JAKMIP3: variants seen among roughly 807,000 people sequenced by gnomAD.
The protein encoded by JAKMIP3 is janus kinase and microtubule-interacting protein 3.
In JAKMIP3, 58 loss-of-function variants were observed where a neutral mutation model predicts 118.5. The observed-to-expected ratio is 0.49, with a 90% CI of 0.40 to 0.61. The LOEUF is 0.61. JAKMIP3 is among the 20% of genes least tolerant of loss of function. The probability of loss-of-function intolerance (pLI) is 0.00; values close to 1 mark genes in which losing one functional copy is unlikely to be tolerated. For missense variants in JAKMIP3, 950 were observed against 1,109.0 expected (o/e 0.86, Z 2.04); for synonymous variants, 486 against 451.2 (o/e 1.08, Z -0.98).
At chr10:132,166,848 T>A in intron 21 of JAKMIP3, 135 bp from the exon 22 acceptor site, 2 of 690,604 alleles carry the variant, frequency 2.9e-6, no homozygotes, top group Non-Finnish European at 5.0e-6. Flanking sequence ...GGCACAGTCC[T>A]TAATAGCGTC....
At chr10:132,040,971 G>A (rs1324174779) in intron 1 of JAKMIP3, among the ~76,000 whole-genome samples, 1 of 152,170 alleles carries the variant, frequency 6.6e-6, no homozygotes, top group African/African-American at 2.4e-5. Context: ...CACTTAGCAT[G>A]GTGTCCTCAA....
chr10:132,052,225 C>T (rs2038123751), intron 1 of JAKMIP3, among the ~76,000 whole-genome samples: 1 of 152,166 alleles, frequency 6.6e-6, no homozygotes, highest in Non-Finnish European at 1.5e-5. Flanking sequence ...GACCCTGTCT[C>T]AACAACAACA....
intron 21 of JAKMIP3, 150 bp from the exon 22 acceptor site, chr10:132,166,833 C>T (rs1308071066): frequency 3.2e-6 from 2 of 632,084 alleles, no homozygotes; most frequent in Non-Finnish European, 5.5e-6. Context: ...CAGCATCCCT[C>T]CCTCGGCACA....
intron 1 of JAKMIP3, among the ~76,000 whole-genome samples, chr10:132,051,248 G>T (rs1281832220): frequency 6.9e-6 from 1 of 144,736 alleles, no homozygotes; most frequent in Non-Finnish European, 1.5e-5. Context: ...TGGTTGGGGG[G>T]TACCTGCCTG....
At chr10:132,042,184 C>CTTCCTTCCTTCCTTCTTTCCTTCCT (rs1554909339) in intron 1 of JAKMIP3, among the ~76,000 whole-genome samples, 1 of 132,096 alleles carries the variant, frequency 7.6e-6, no homozygotes, top group African/African-American at 3.0e-5. Context: ...TGCTCGCTCG[C>CTTCCTTCCTTCCTTCTTTCCTTCCT]TCCTTCCTTC....
intron 1 of JAKMIP3, among the ~76,000 whole-genome samples, chr10:132,084,469 CAT>C (rs2134267619): frequency 6.6e-6 from 1 of 152,300 alleles, no homozygotes; most frequent in African/African-American, 2.4e-5. Context: ...GGTATACAAT[CAT>C]ATCATCAGCA....
In JAKMIP3 at chr10:132,179,745, G is replaced by A. The variant is rs946243517; in HGVS notation, c.*1104-2612G>A. On this transcript the variant is annotated intron_variant, in intron 23 of 23. Coordinates refer to ENST00000684848, the MANE Select transcript of JAKMIP3 (RefSeq NM_001323087.2). This position sits in a 1 kb window ranked among gnomAD's most constrained non-coding sequence, Gnocchi z 4.3. ...CAGGGTCGCACCACAGCAGGGTCAC[G>A]CCACGGCAGGGTCACACCACAACAG... is the stretch of plus-strand genomic sequence containing the variant. Among the ~76,000 whole-genome samples, 5 of 149,900 alleles carry A rather than the reference G, an allele frequency of 3.3e-5. No individual in the cohort carries two copies. Among genetic ancestry groups the A allele is most frequent in the East Asian group, 3.9e-4 (2 of 5,160 alleles).
rs137985077 is a variant in JAKMIP3, at chr10:132,109,073, T to TAC, written c.135+4134_135+4135dup. 2.3e-3 allele frequency among the ~76,000 whole-genome samples: 329 copies of TAC among 140,978 alleles called. 11 individuals are homozygous for TAC. The highest frequency in any genetic ancestry group is 3.6e-3 in the Middle Eastern group (1 of 276). 92.5% of individuals were successfully genotyped at this position (140,978 alleles called of 152,430 possible). A position where few individuals can be genotyped will look rare whatever the true frequency, so the allele number is the denominator to read the frequency against. On this transcript the variant is annotated intron_variant, in intron 2 of 23. Coordinates refer to ENST00000684848, the MANE Select transcript of JAKMIP3 (RefSeq NM_001323087.2). Reference sequence around the variant, plus strand: ...ACACATACATGCACATATACACACATACACATATATATACACACACATATA... The same window carrying TAC: ...ACACATACATGCACATATACACACATACACACATATATATACACACACATATA...
At chr10:132,115,460 C>T (rs147295075) in intron 2 of JAKMIP3, among the ~76,000 whole-genome samples, 10 of 152,348 alleles carry the variant, frequency 6.6e-5, no homozygotes, top group African/African-American at 1.7e-4. Context: ...TTCTAGGCGC[C>T]ACAGCCCTGA....
At chr10:132,142,941 G>C (rs78870304) in intron 11 of JAKMIP3, among the ~76,000 whole-genome samples, 21 of 152,208 alleles carry the variant, frequency 1.4e-4, no homozygotes, top group African/African-American at 4.6e-4. Context: ...CTCTTGGGGC[G>C]AGGGGAGAGT....
At chr10:132,062,545 C>T (rs1443119044), upstream of JAKMIP3, among the ~76,000 whole-genome samples, 1 of 152,246 alleles carries the variant, frequency 6.6e-6, no homozygotes, top group Admixed American at 6.5e-5. Context: ...CGAAGATCTA[C>T]ACGCACCAGT....
intron 2 of JAKMIP3, among the ~76,000 whole-genome samples, chr10:132,115,225 G>T (rs2047450170): frequency 1.2e-5 from 1 of 85,750 alleles, no homozygotes; most frequent in African/African-American, 5.5e-5. Context: ...CACCCTGCCG[G>T]GTCACCGCGA....
At chr10:132,053,005 T>C (rs1432348209) in intron 1 of JAKMIP3, among the ~76,000 whole-genome samples, 1 of 152,250 alleles carries the variant, frequency 6.6e-6, no homozygotes, top group Non-Finnish European at 1.5e-5. Flanking sequence ...TGGCTGTTTC[T>C]CATGTGCCTT....
At chr10:132,072,829 C>T (rs768249076) in intron 1 of JAKMIP3, among the ~76,000 whole-genome samples, 3 of 151,986 alleles carry the variant, frequency 2.0e-5, no homozygotes, top group Admixed American at 2.0e-4. Flanking sequence ...ACAGTGGCGA[C>T]GGCTGGGCTA....
chr10:132,040,422 TG>T (rs981057752), intron 1 of JAKMIP3, among the ~76,000 whole-genome samples: 1 of 152,216 alleles, frequency 6.6e-6, no homozygotes, highest in African/African-American at 2.4e-5. Flanking sequence ...ATACATCTGC[TG>T]GCTGCCTGCT....
intron 19 of JAKMIP3, among the ~76,000 whole-genome samples, chr10:132,162,635 G>T (rs1005709128): frequency 1.3e-5 from 2 of 152,338 alleles, no homozygotes; most frequent in African/African-American, 2.4e-5. Flanking sequence ...TGGTTGGGAA[G>T]AAAGAGCCTC....
intron 17 of JAKMIP3, 126 bp downstream of exon 17, chr10:132,153,149 C>T (rs1404315357): frequency 1.4e-6 from 1 of 707,888 alleles, no homozygotes; most frequent in South Asian, 1.6e-5. Flanking sequence ...TCCACTAAGC[C>T]CCGTCTGCCC....
intron 3 of JAKMIP3, among the ~76,000 whole-genome samples, chr10:132,128,123 C>A (rs1212858929): frequency 3.3e-5 from 5 of 152,222 alleles, no homozygotes; most frequent in Admixed American, 1.3e-4. Flanking sequence ...ACGCTCTCTA[C>A]TTTTGTCTAA....
chr10:132,155,543 G>C (rs1377690631), intron 19 of JAKMIP3, among the ~76,000 whole-genome samples: 1 of 152,218 alleles, frequency 6.6e-6, no homozygotes, highest in Non-Finnish European at 1.5e-5. Context: ...AGCATCCTGG[G>C]TGGGGGTGTA....
Sources: gnomAD v4.1 joint callset for allele counts (sites outside exome capture counted in the v4.1 genomes callset) on GRCh38, gnomAD v4.1.1 for gene constraint, Gnocchi (gnomAD v3.1) non-coding constraint, MANE v1.5 for transcripts, NCBI Gene and HGNC (gene_info 2026-07-23, HGNC 2026-07-21) for gene names.